Variants in OTUD3 observed in about 807,000 individuals in gnomAD.
OTUD3 encodes OTU deubiquitinase 3, also known as OTU domain-containing protein 3.
In OTUD3, 24 loss-of-function variants were observed where a neutral mutation model predicts 46.2. The ratio of observed to expected loss-of-function variants is 0.52; its 90% CI spans 0.38 to 0.73. The LOEUF (loss-of-function observed/expected upper bound fraction) is 0.73. Ranked by LOEUF, OTUD3 falls within the 30% of genes least tolerant of loss-of-function variation. The probability of loss-of-function intolerance (pLI) is 0.00; values close to 1 mark genes in which losing one functional copy is unlikely to be tolerated. For missense variants in OTUD3, 455 were observed against 523.3 expected, an observed-to-expected ratio of 0.87 and a Z score of 1.27; for synonymous variants, 189 against 195.4, an observed-to-expected ratio of 0.97 and a Z score of 0.27.
At chr1:19,887,236 C>T (rs1222132892) in intron 1 of OTUD3, among the ~76,000 whole-genome samples, 1 of 152,138 alleles carries the variant, frequency 6.6e-6, no homozygotes, top group East Asian at 1.9e-4. Flanking sequence ...AGGCATGCGC[C>T]ACCATACCTG....
intron 4 of OTUD3, among the ~76,000 whole-genome samples, chr1:19,899,705 C>T (rs1369851336): frequency 6.6e-6 from 1 of 152,220 alleles, no homozygotes; most frequent in East Asian, 1.9e-4. Context: ...GGTTTAAACT[C>T]CCACCTGCAA....
Position 19,911,994 on chromosome 1 carries a change from C to T in OTUD3, c.*4248C>T, listed in dbSNP as rs2045739267. 6.6e-6 allele frequency: 1 copy of T among 152,336 alleles called. No individual in the cohort carries two copies. Among genetic ancestry groups the T allele is most frequent in the Non-Finnish European group, 1.5e-5 (1 of 68,040 alleles). The allele number at this position is 152,336 out of a possible 1,614,324, so 9.4% of individuals were successfully genotyped here. ...TTGTAGAGTCCCTCTCTTTACTGTC[C>T]TCGTTAGGACTGTTTTGTGGTTCCA... On this transcript the variant is annotated 3_prime_UTR_variant, in exon 8 of 8. Transcript: ENST00000375120.
At chr1:19,883,315 G>T (rs141778664) in intron 1 of OTUD3, among the ~76,000 whole-genome samples, 2 of 152,290 alleles carry the variant, frequency 1.3e-5, no homozygotes, top group East Asian at 3.9e-4. Flanking sequence ...AAGCTTTCTT[G>T]GGACTTAGAC....
chr1:19,896,080 C>A (rs2045513563), intron 3 of OTUD3, among the ~76,000 whole-genome samples: 1 of 152,022 alleles, frequency 6.6e-6, no homozygotes, highest in Non-Finnish European at 1.5e-5. Flanking sequence ...TCCATTGGAT[C>A]CCCCTATGTC....
chr1:19,898,501 G>A (rs1195079798), intron 4 of OTUD3, among the ~76,000 whole-genome samples: 2 of 151,830 alleles, frequency 1.3e-5, no homozygotes, highest in Non-Finnish European at 2.9e-5. Flanking sequence ...GGCCGAGGCG[G>A]GCGGATCACC....
intron 1 of OTUD3, among the ~76,000 whole-genome samples, chr1:19,886,113 G>A (rs2045356511): frequency 6.6e-6 from 1 of 152,168 alleles, no homozygotes; most frequent in Non-Finnish European, 1.5e-5. Context: ...ACATAAATTG[G>A]ATTCATTTTT....
rs1213501873 is a variant in OTUD3 at position 19,910,924 on chromosome 1, TC to T, written c.*3181del. 1 of 152,314 alleles carries T rather than the reference TC, an allele frequency of 6.6e-6. No individual in the cohort carries two copies. The highest frequency in any genetic ancestry group is 2.4e-5 in the African/African-American group (1 of 41,416). 9.4% of individuals were successfully genotyped at this position (152,314 alleles called of 1,614,324 possible). On this transcript the variant is annotated 3_prime_UTR_variant, in exon 8 of 8. Coordinates refer to ENST00000375120, the MANE Select transcript of OTUD3 (RefSeq NM_015207.2). ...AGCGCTGAACTGTACTAGTAGTGAG[TC>T]CCTGTAGTCAATGTGCAATTTCTCT...
rs371952040 is a variant in OTUD3, at chr1:19,907,560, T to C, written c.1021-10T>C. On this transcript the variant is annotated splice_polypyrimidine_tract_variant and intron_variant, in intron 7 of 7. Coordinates refer to ENST00000375120, the MANE Select transcript of OTUD3 (RefSeq NM_015207.2). ...TGCTTCCTACTCACCACCATGGCCTTCTCTCTCAGGTCACAAACAAACAGA... is the reference window on the plus strand; with the variant it reads ...TGCTTCCTACTCACCACCATGGCCTCCTCTCTCAGGTCACAAACAAACAGA... 4.3e-6 allele frequency: 7 copies of C among 1,613,338 alleles called. No individual in the cohort carries two copies. The highest frequency in any genetic ancestry group is 1.3e-5 in the African/African-American group (1 of 74,850).
At chr1:19,893,626 G>A (rs537550418) in intron 2 of OTUD3, among the ~76,000 whole-genome samples, 36 of 152,324 alleles carry the variant, frequency 2.4e-4, no homozygotes, top group Non-Finnish European at 4.7e-4. Flanking sequence ...AAGGTCTGAT[G>A]CCAGATGTGG....
chr1:19,897,697 G>T (rs1436239867), intron 4 of OTUD3, 35 bp downstream of exon 4: 2 of 1,602,582 alleles, frequency 1.2e-6, no homozygotes, highest in Non-Finnish European at 1.7e-6. Flanking sequence ...CGTATTCCCC[G>T]CCCTACAGGA....
In OTUD3 at chr1:19,912,121, T is replaced by C. The variant is rs535895181; in HGVS notation, c.*4375T>C. ...TACGAACTTTTGCATAGGGAATTTA[T>C]TCTAAGCAGGTCATAGCCGTGATCC... is the stretch of plus-strand genomic sequence containing the variant. On this transcript the variant is annotated 3_prime_UTR_variant, in exon 8 of 8. Transcript: ENST00000375120. 1 of 152,530 alleles carries C rather than the reference T, an allele frequency of 6.6e-6. No individual in the cohort carries two copies. Among genetic ancestry groups the C allele is most frequent in the East Asian group, 1.9e-4 (1 of 5,326 alleles). The allele number at this position is 152,530 out of a possible 1,614,324, so 9.4% of individuals were successfully genotyped here.
At chr1:19,901,439 AT>A (rs1355860938) in intron 4 of OTUD3, among the ~76,000 whole-genome samples, 21 of 152,092 alleles carry the variant, frequency 1.4e-4, no homozygotes, top group African/African-American at 5.1e-4. Flanking sequence ...GTTGGTTATC[AT>A]TTGTCTGTGA....
At chr1:19,902,331 G>A (rs1004083620) in intron 4 of OTUD3, among the ~76,000 whole-genome samples, 15 of 152,032 alleles carry the variant, frequency 9.9e-5, no homozygotes, top group Non-Finnish European at 1.0e-4. Flanking sequence ...TCAGCCTCCC[G>A]AGTAGCTGGG....
At chr1:19,888,227 A>C (rs2045397414) in intron 1 of OTUD3, among the ~76,000 whole-genome samples, 1 of 152,242 alleles carries the variant, frequency 6.6e-6, no homozygotes, top group African/African-American at 2.4e-5. Flanking sequence ...CACAACAAAA[A>C]AATGATCCTG....
At chr1:19,889,733 A>G (rs1475416427) in intron 1 of OTUD3, among the ~76,000 whole-genome samples, 1 of 152,226 alleles carries the variant, frequency 6.6e-6, no homozygotes, top group African/African-American at 2.4e-5. Context: ...TGGCAGGAAT[A>G]ACAATGGCAT....
At chr1:19,894,305 G>A (rs773600500) in intron 2 of OTUD3, 63 bp from the exon 3 acceptor site, 22 of 881,896 alleles carry the variant, frequency 2.5e-5, no homozygotes, top group Non-Finnish European at 3.3e-5. Context: ...AAATACCAAA[G>A]CATGTTTGCA....
At position 19,911,241 on chromosome 1, in the gene OTUD3, G is replaced by T. The variant is rs532658531; in HGVS notation, c.*3495G>T. 5.0e-4 allele frequency: 76 copies of T among 152,410 alleles called. No homozygotes were observed. The highest frequency in any genetic ancestry group is 1.8e-3 in the African/African-American group (75 of 41,552). The allele number at this position is 152,410 out of a possible 1,614,324, so 9.4% of individuals were successfully genotyped here. On this transcript the variant is annotated 3_prime_UTR_variant, in exon 8 of 8. Transcript: ENST00000375120. The stretch of plus-strand genomic sequence containing the variant: ...TAGCCATGTTAAATCTTTAGACTCA[G>T]TCTGATGCCGTTTTTCTGTTTTGCC...
chr1:19,887,629 A>G (rs537366576), intron 1 of OTUD3, among the ~76,000 whole-genome samples: 26 of 152,290 alleles, frequency 1.7e-4, no homozygotes, highest in African/African-American at 4.8e-4. Context: ...GCCAAAATCT[A>G]TGTCTCTGTG....
At chr1:19,896,530 G>A (rs575993042) in intron 3 of OTUD3, among the ~76,000 whole-genome samples, 5 of 152,104 alleles carry the variant, frequency 3.3e-5, no homozygotes, top group South Asian at 2.1e-4. Flanking sequence ...TGAGATCTGC[G>A]TATTCTACTG....
Sources: gnomAD v4.1 joint callset for allele counts (sites outside exome capture counted in the v4.1 genomes callset) on GRCh38, gnomAD v4.1.1 for gene constraint, MANE v1.5 for transcripts, NCBI Gene and HGNC (gene_info 2026-07-23, HGNC 2026-07-21) for gene names.